Variants in SLC35F3 observed in about 807,000 individuals in gnomAD.
SLC35F3 encodes putative thiamine transporter SLC35F3.
In SLC35F3, 25 loss-of-function variants were observed where a neutral mutation model predicts 49.9. That is an observed-to-expected ratio of 0.50 (90% CI 0.37 to 0.70). SLC35F3 has a LOEUF of 0.70. SLC35F3 is among the 30% of genes least tolerant of loss of function. SLC35F3 has a pLI of 0.00. For synonymous variants in SLC35F3, 275 were observed against 265.4 expected (o/e 1.04, Z -0.35); for missense variants, 525 against 639.8 (o/e 0.82, Z 1.94).
chr1:234,271,895 T>A (rs544310851), intron 3 of SLC35F3, among the ~76,000 whole-genome samples: 1 of 152,158 alleles, frequency 6.6e-6, no homozygotes, highest in African/African-American at 2.4e-5. Context: ...GAGGCGAAGG[T>A]GGGTGGATCG....
At chr1:234,276,295 G>C (rs1301549105) in intron 3 of SLC35F3, among the ~76,000 whole-genome samples, 2 of 152,140 alleles carry the variant, frequency 1.3e-5, no homozygotes, top group African/African-American at 4.8e-5. Context: ...ATGGACCTGA[G>C]ATAAGCTCTG....
chr1:234,171,439 T>C (rs1666398343), intron 2 of SLC35F3, among the ~76,000 whole-genome samples: 1 of 152,222 alleles, frequency 6.6e-6, no homozygotes, highest in South Asian at 2.1e-4. Flanking sequence ...TTGAGATAGA[T>C]GTAAATTTCT....
At chr1:234,082,719 C>T (rs1050027481) in intron 2 of SLC35F3, among the ~76,000 whole-genome samples, 1 of 152,272 alleles carries the variant, frequency 6.6e-6, no homozygotes, top group East Asian at 1.9e-4. Context: ...GCCTCACAAT[C>T]ATGGCAGCAG....
intron 3 of SLC35F3, among the ~76,000 whole-genome samples, chr1:234,283,294 G>A (rs1311236327): frequency 2.0e-5 from 3 of 152,216 alleles, no homozygotes; most frequent in Non-Finnish European, 4.4e-5. Context: ...TTGTAGGATT[G>A]ATTTTTTAAC....
rs1657549507 is a variant in SLC35F3, at chr1:234,318,733, C to G, written c.955-18C>G. 6.2e-7 allele frequency: 1 copy of G among 1,610,872 alleles called. No individual in the cohort carries two copies. The highest frequency in any genetic ancestry group is 8.5e-7 in the Non-Finnish European group (1 of 1,178,316). Reference sequence around the variant, plus strand: ...TGAGGTGAGCCTTCACCCCGTCCTCCTCTGCTTTCTCCTACAGGTTTTGTT... The same window carrying G: ...TGAGGTGAGCCTTCACCCCGTCCTCGTCTGCTTTCTCCTACAGGTTTTGTT... On this transcript the variant is annotated intron_variant, in intron 5 of 7. Coordinates refer to ENST00000366618, the MANE Select transcript of SLC35F3 (RefSeq NM_173508.4).
chr1:234,077,776 C>T (rs961449592), intron 2 of SLC35F3, among the ~76,000 whole-genome samples: 5 of 150,798 alleles, frequency 3.3e-5, no homozygotes, highest in African/African-American at 1.0e-4. Flanking sequence ...CAGTGAACAG[C>T]GACCCCTCTC....
At chr1:234,052,337 G>A (rs531782807) in intron 2 of SLC35F3, among the ~76,000 whole-genome samples, 14 of 152,274 alleles carry the variant, frequency 9.2e-5, no homozygotes, top group Non-Finnish European at 2.1e-4. Context: ...TCTATTCAGG[G>A]ATTCCGCTTC....
chr1:234,275,351 G>C (rs1199192529), intron 3 of SLC35F3, among the ~76,000 whole-genome samples: 1 of 151,470 alleles, frequency 6.6e-6, no homozygotes, highest in African/African-American at 2.4e-5. Context: ...AAAAAAATTA[G>C]AAATTCAAAA....
intron 2 of SLC35F3, among the ~76,000 whole-genome samples, chr1:234,154,341 A>G (rs934780093): frequency 3.9e-5 from 6 of 152,216 alleles, no homozygotes; most frequent in Non-Finnish European, 7.3e-5. Context: ...AATGTCTTGG[A>G]ATTGAATTGG....
At chr1:234,180,983 G>A (rs1185648985) in intron 2 of SLC35F3, among the ~76,000 whole-genome samples, 1 of 152,044 alleles carries the variant, frequency 6.6e-6, no homozygotes, top group African/African-American at 2.4e-5. Context: ...CCATCAGATT[G>A]ATTTGAAGAA....
At chr1:234,179,711 A>T (rs1251691917) in intron 2 of SLC35F3, among the ~76,000 whole-genome samples, 1 of 149,152 alleles carries the variant, frequency 6.7e-6, no homozygotes, top group Non-Finnish European at 1.5e-5. Flanking sequence ...ACATGGCATT[A>T]ACTCTCTTGA....
At chr1:234,237,266 AC>A (rs1667489766) in intron 3 of SLC35F3, among the ~76,000 whole-genome samples, 1 of 152,164 alleles carries the variant, frequency 6.6e-6, no homozygotes, top group African/African-American at 2.4e-5. Context: ...TTGTTGGGGG[AC>A]AGGATGCCTA....
chr1:233,974,174 CTTTTTTTTTTT>C (rs757673463), intron 2 of SLC35F3, among the ~76,000 whole-genome samples: 10 of 83,094 alleles, frequency 1.2e-4, no homozygotes, highest in Admixed American at 4.0e-4. Flanking sequence ...ATTTCTATTT[CTTTTTTTTTTT>C]TTTTTTTTTT....
At chr1:234,044,908 T>C (rs915671926) in intron 2 of SLC35F3, among the ~76,000 whole-genome samples, 1 of 152,196 alleles carries the variant, frequency 6.6e-6, no homozygotes, top group Admixed American at 6.5e-5. Flanking sequence ...GAGCCCAGTC[T>C]CTGGAGGCCA....
rs116061403 is a variant in SLC35F3 at position 234,142,524 on chromosome 1, T to G, written c.284-88893T>G. 2.8e-3 allele frequency among the ~76,000 whole-genome samples: 421 copies of G among 152,304 alleles called. 4 individuals are homozygous for G. The highest frequency in any genetic ancestry group is 9.3e-3 in the African/African-American group (387 of 41,564). On this transcript the variant is annotated intron_variant, in intron 2 of 7. Transcript: ENST00000366618. ...AGAGCAGCCTGTTGGAATTAGACGT[T>G]ATGCTTGCTCAAAAAAAGGAGTTTC...
chr1:234,082,111 G>T (rs905655359), intron 2 of SLC35F3, among the ~76,000 whole-genome samples: 5 of 151,382 alleles, frequency 3.3e-5, no homozygotes, highest in Non-Finnish European at 5.9e-5. Flanking sequence ...GGTCAAAGAG[G>T]GACTGAATTT....
At chr1:234,065,021 G>A (rs116758407) in intron 2 of SLC35F3, among the ~76,000 whole-genome samples, 2,729 of 152,314 alleles carry the variant, frequency 0.018, 48 homozygotes, top group Admixed American at 0.029. Context: ...AAAACATGGA[G>A]CATGACTATG....
At chr1:234,226,326 C>G (rs1384782518) in intron 2 of SLC35F3, among the ~76,000 whole-genome samples, 1 of 152,064 alleles carries the variant, frequency 6.6e-6, no homozygotes, top group Non-Finnish European at 1.5e-5. Flanking sequence ...TTGATCCCCG[C>G]TCTGGGTCCC....
intron 2 of SLC35F3, among the ~76,000 whole-genome samples, chr1:233,975,357 T>A (rs1663063262): frequency 6.6e-6 from 1 of 152,214 alleles, no homozygotes; most frequent in South Asian, 2.1e-4. Context: ...ACCCTCCATG[T>A]TACTGAGCCA....
Sources: allele counts gnomAD v4.1 joint callset (sites outside exome capture counted in the v4.1 genomes callset), GRCh38; gene constraint gnomAD v4.1.1; transcripts MANE v1.5; gene names NCBI Gene and HGNC (gene_info 2026-07-23, HGNC 2026-07-21).